Variants in EDEM2 observed in about 807,000 individuals in gnomAD.
EDEM2 encodes the protein ER degradation enhancing alpha-mannosidase like protein 2.
EDEM2 carries 39 observed loss-of-function variants against 64.8 expected under a neutral mutation model. That is an observed-to-expected ratio of 0.60 (90% CI 0.47 to 0.79). The LOEUF (loss-of-function observed/expected upper bound fraction) is 0.79, where lower values mean the gene tolerates loss of function less well. Ranked by LOEUF, EDEM2 falls within the 30% of genes least tolerant of loss-of-function variation. EDEM2 has a pLI of 0.00. For missense variants in EDEM2, 609 were observed against 731.3 expected, an observed-to-expected ratio of 0.83 and a Z score of 1.93; for synonymous variants, 296 against 291.5, an observed-to-expected ratio of 1.02 and a Z score of -0.16.
At chr20:35,125,142 C>T (rs1218972470) in intron 8 of EDEM2, among the ~76,000 whole-genome samples, 2 of 151,898 alleles carry the variant, frequency 1.3e-5, no homozygotes, top group Admixed American at 1.3e-4. Flanking sequence ...GGCCTTTTTC[C>T]CTTCTTGGTA....
intron 10 of EDEM2, chr20:35,117,213 A>T (rs557377554): frequency 6.6e-6 from 1 of 152,344 alleles, no homozygotes; most frequent in Admixed American, 6.5e-5. Flanking sequence ...TTTAGTAAGG[A>T]GTCTTATTTA....
chr20:35,125,377 TTTTA>T (rs1020946985), intron 8 of EDEM2, among the ~76,000 whole-genome samples: 8 of 151,494 alleles, frequency 5.3e-5, no homozygotes, highest in Admixed American at 1.3e-4. Context: ...TTATTTTTAT[TTTTA>T]TTTATTTATT....
intron 3 of EDEM2, among the ~76,000 whole-genome samples, chr20:35,142,739 C>T (rs1336561896): frequency 2.0e-5 from 3 of 152,096 alleles, no homozygotes; most frequent in Non-Finnish European, 4.4e-5. Flanking sequence ...ATATAAAGAA[C>T]GCAAACTACG....
intron 10 of EDEM2, 180 bp downstream of exon 10, chr20:35,118,418 G>C: frequency 1.1e-6 from 1 of 877,250 alleles, no homozygotes. Flanking sequence ...GAGATCTTTA[G>C]CAAGGCACTT....
chr20:35,117,682 G>A (rs997747331), intron 10 of EDEM2, among the ~76,000 whole-genome samples: 2 of 152,016 alleles, frequency 1.3e-5, no homozygotes, highest in African/African-American at 4.8e-5. Context: ...TTTTGTTGTT[G>A]TTTTGAATTC....
intron 2 of EDEM2, 96 bp from the exon 3 acceptor site, chr20:35,145,114 C>T: frequency 8.1e-7 from 1 of 1,231,524 alleles, no homozygotes; most frequent in Non-Finnish European, 1.2e-6. Context: ...CTAAATGAGG[C>T]AAAGTAATGC....
intron 2 of EDEM2, 55 bp downstream of exon 2, chr20:35,146,770 G>C: frequency 3.2e-6 from 5 of 1,581,814 alleles, no homozygotes; most frequent in Non-Finnish European, 4.3e-6. Context: ...TGACCCGCCC[G>C]CCGAGGCCCA....
chr20:35,142,352 G>A (rs1569182957), intron 4 of EDEM2, 21 bp downstream of exon 4: 2 of 1,579,606 alleles, frequency 1.3e-6, no homozygotes, highest in South Asian at 1.1e-5. Context: ...TCTTTTAAAG[G>A]TCCTAGAGAG....
intron 2 of EDEM2, among the ~76,000 whole-genome samples, chr20:35,146,380 A>T (rs748458425): frequency 1.3e-5 from 2 of 152,174 alleles, no homozygotes; most frequent in Admixed American, 6.5e-5. Flanking sequence ...AGCAGCAGCC[A>T]GTGATGGGAG....
intron 2 of EDEM2, among the ~76,000 whole-genome samples, chr20:35,145,594 A>C (rs1398779361): frequency 6.6e-6 from 1 of 152,256 alleles, no homozygotes; most frequent in East Asian, 1.9e-4. Flanking sequence ...ACATGCTGAC[A>C]GAAAGCAGAC....
At chr20:35,132,089 T>C (rs1265937375) in intron 6 of EDEM2, among the ~76,000 whole-genome samples, 1 of 152,178 alleles carries the variant, frequency 6.6e-6, no homozygotes, top group African/African-American at 2.4e-5. Context: ...AGATGGGAGA[T>C]GAGAATTTGC....
chr20:35,116,097 C>A (rs2085306798), intron 10 of EDEM2, among the ~76,000 whole-genome samples, 164 bp from the exon 11 acceptor site: 1 of 152,238 alleles, frequency 6.6e-6, no homozygotes. Flanking sequence ...ACCATCATCT[C>A]TCACCTGGAT....
chr20:35,140,895 G>C (rs150527546), intron 4 of EDEM2, among the ~76,000 whole-genome samples: 1 of 152,016 alleles, frequency 6.6e-6, no homozygotes, highest in Non-Finnish European at 1.5e-5. Flanking sequence ...GATGGGGGGC[G>C]GATCACCTGA....
At chr20:35,146,442 A>C (rs908158167) in intron 2 of EDEM2, among the ~76,000 whole-genome samples, 7 of 152,196 alleles carry the variant, frequency 4.6e-5, no homozygotes, top group African/African-American at 1.7e-4. Flanking sequence ...CAAAGACTTA[A>C]GTTTTAGGAG....
At chr20:35,141,215 A>C (rs1600717295) in intron 4 of EDEM2, among the ~76,000 whole-genome samples, 1 of 152,116 alleles carries the variant, frequency 6.6e-6, no homozygotes, top group Non-Finnish European at 1.5e-5. Flanking sequence ...GTAAATGTAA[A>C]TGGATTAAAT....
chr20:35,118,566 T>C (rs2085334380), intron 10 of EDEM2, 32 bp downstream of exon 10: 2 of 1,613,512 alleles, frequency 1.2e-6, no homozygotes, highest in Non-Finnish European at 1.7e-6. Flanking sequence ...GGGGAGACTC[T>C]TCCCAGTTCT....
chr20:35,133,513 C>A (rs1296970294), intron 6 of EDEM2, among the ~76,000 whole-genome samples: 1 of 151,050 alleles, frequency 6.6e-6, no homozygotes, highest in Non-Finnish European at 1.5e-5. Context: ...GTTGCCCAGG[C>A]TGGAATGCAA....
rs928043447 is a variant in EDEM2, at chr20:35,134,369, G to A, written c.702+369C>T. On this transcript the variant is annotated intron_variant, in intron 6 of 10. Coordinates refer to ENST00000374492, the MANE Select transcript of EDEM2 (RefSeq NM_018217.3). The stretch of plus-strand genomic sequence containing the variant: ...CTGCCACTCAGTATCTCTCAGAACC[G>A]GTGTCCTAAGAAACACAGCAAATAC... Among the ~76,000 whole-genome samples the A allele has an allele frequency of 3.9e-5, 6 of 152,132 alleles. No individual in the cohort carries two copies. The East Asian group carries it at 7.7e-4, about 20-fold the overall frequency.
intron 6 of EDEM2, among the ~76,000 whole-genome samples, chr20:35,133,034 G>A (rs1164093003): frequency 6.6e-6 from 1 of 152,210 alleles, no homozygotes; most frequent in Non-Finnish European, 1.5e-5. Context: ...GGCAGGGCAA[G>A]GGAGGCGGCA....
Sources: allele counts gnomAD v4.1 joint callset (sites outside exome capture counted in the v4.1 genomes callset), GRCh38; gene constraint gnomAD v4.1.1; transcripts MANE v1.5; gene names NCBI Gene and HGNC (gene_info 2026-07-23, HGNC 2026-07-21).